PFKFB1: variants seen among roughly 807,000 people sequenced by gnomAD.
The protein encoded by PFKFB1 is 6-phosphofructo-2-kinase/fructose-2,6-bisphosphatase 1.
A neutral mutation model predicts 46.4 loss-of-function variants in PFKFB1; 34 were observed. The observed-to-expected ratio is 0.73, with a 90% CI of 0.56 to 0.98. The LOEUF (loss-of-function observed/expected upper bound fraction) is 0.98, where lower values mean the gene tolerates loss of function less well. Among genes scored for constraint, PFKFB1 ranks in the 50% least tolerant of loss-of-function variants. The probability of loss-of-function intolerance (pLI) is 0.00; values close to 1 mark genes in which losing one functional copy is unlikely to be tolerated. For synonymous variants in PFKFB1, 119 were observed against 133.8 expected (o/e 0.89, Z 0.76); for missense variants, 393 against 376.3 (o/e 1.04, Z -0.37).
At chrX:54,982,737 T>C (rs1439797833) in intron 1 of PFKFB1, among the ~76,000 whole-genome samples, 2 of 111,047 alleles carry the variant, frequency 1.8e-5, no homozygotes, top group Non-Finnish European at 3.8e-5. Context: ...GATGACTGTA[T>C]ATGCAATGAT....
intron 10 of PFKFB1, among the ~76,000 whole-genome samples, chrX:54,941,519 G>C (rs1019488046): frequency 5.4e-5 from 6 of 111,495 alleles, no homozygotes; most frequent in Admixed American, 9.5e-5. Flanking sequence ...TATCCAGAAT[G>C]TACAAAGAAC....
chrX:54,937,226 A>C (rs1330819722), intron 11 of PFKFB1, among the ~76,000 whole-genome samples: 1 of 112,020 alleles, frequency 8.9e-6, no homozygotes, highest in African/African-American at 3.2e-5. Context: ...ATACTAGCTC[A>C]TCTTTTCCAG....
At chrX:54,957,695 A>G (rs1048431701) in intron 6 of PFKFB1, among the ~76,000 whole-genome samples, 1 of 111,681 alleles carries the variant, frequency 9.0e-6, no homozygotes, top group Non-Finnish European at 1.9e-5. Context: ...GCAGGTATAA[A>G]AAGAAAATAT....
chrX:54,960,456 CCAAGGT>C (rs1934276284), intron 3 of PFKFB1, among the ~76,000 whole-genome samples: 1 of 112,168 alleles, frequency 8.9e-6, no homozygotes, highest in Non-Finnish European at 1.9e-5. Flanking sequence ...CTAGAGTAGG[CCAAGGT>C]ATTGAGATTC....
At chrX:54,970,447 T>A (rs1377081414) in intron 1 of PFKFB1, among the ~76,000 whole-genome samples, 4 of 101,812 alleles carry the variant, frequency 3.9e-5, no homozygotes, top group Non-Finnish European at 8.0e-5. Context: ...TAACTCGTCA[T>A]CTATCATTAG....
rs758001483 is a variant in PFKFB1, at chrX:54,933,380, C to A, written c.*23G>T. The A allele has an allele frequency of 2.6e-6, 3 of 1,161,688 alleles. No individual in the cohort carries two copies. The highest frequency in any genetic ancestry group is 3.5e-6 in the Non-Finnish European group (3 of 849,928). The stretch of plus-strand genomic sequence containing the variant: ...AGGTGGAAGGCGATGAGGACACAGG[C>A]AGTTTGACTTCTTGGAAAGGGCTCA... On this transcript the variant is annotated 3_prime_UTR_variant, in exon 14 of 14. Coordinates refer to ENST00000375006, the MANE Select transcript of PFKFB1 (RefSeq NM_002625.4).
chrX:54,978,526 G>A (rs993708327), intron 1 of PFKFB1, among the ~76,000 whole-genome samples: 2 of 111,588 alleles, frequency 1.8e-5, no homozygotes, highest in Admixed American at 9.5e-5. Context: ...AATTATTACA[G>A]TGTTTTTAAT....
intron 10 of PFKFB1, among the ~76,000 whole-genome samples, chrX:54,943,084 TTGTC>T (rs1933696612): frequency 8.9e-6 from 1 of 111,879 alleles, no homozygotes; most frequent in Non-Finnish European, 1.9e-5. Context: ...TAAAGATAAA[TTGTC>T]TGAGAGTTTT....
intron 1 of PFKFB1, among the ~76,000 whole-genome samples, chrX:54,963,951 A>C (rs2146641185): frequency 8.9e-6 from 1 of 111,740 alleles, no homozygotes; most frequent in South Asian, 3.7e-4. Context: ...AGGCAACAAA[A>C]ACCAGCTTGA....
intron 11 of PFKFB1, among the ~76,000 whole-genome samples, chrX:54,937,232 T>C (rs1321486756): frequency 8.9e-6 from 1 of 111,907 alleles, no homozygotes; most frequent in Admixed American, 9.5e-5. Flanking sequence ...GCTCATCTTT[T>C]CCAGATTGAG....
At chrX:54,942,849 G>T (rs1005190548) in intron 10 of PFKFB1, among the ~76,000 whole-genome samples, 1 of 111,885 alleles carries the variant, frequency 8.9e-6, no homozygotes, top group South Asian at 3.7e-4. Context: ...ATAAAAAATA[G>T]TCATTAAAAT....
chrX:54,941,257 A>T, intron 10 of PFKFB1, among the ~76,000 whole-genome samples: 1 of 112,137 alleles, frequency 8.9e-6, no homozygotes, highest in Non-Finnish European at 1.9e-5. Context: ...TGGATGAAAG[A>T]CTTAAACGTT....
At position 54,937,646 on chromosome X, in the gene PFKFB1, G is replaced by A. The variant is rs1231533779; in HGVS notation, c.1177C>T (p.His393Tyr). 4 of 1,206,285 alleles carry A rather than the reference G, an allele frequency of 3.3e-6. No homozygotes were observed. The highest frequency in any genetic ancestry group is 1.7e-5 in the African/African-American group (1 of 57,210). The change falls in exon 11 of 14, where the codon CAC becomes TAC. Residue 393 changes from histidine (H) to tyrosine (Y), a missense_variant. Transcript: ENST00000375006. ...AGGAGGCACCGCATGACAGCCTGGT[G>A]GCAGATCACCAGTACATTCTCCTGT... ...ERQENVLVICHQAVMRCLLAY... is the reference protein window; with the variant it reads ...ERQENVLVICYQAVMRCLLAY...
intron 1 of PFKFB1, among the ~76,000 whole-genome samples, chrX:54,964,504 C>A (rs1934416583): frequency 8.9e-6 from 1 of 112,042 alleles, no homozygotes; most frequent in South Asian, 3.7e-4. Context: ...AAATATCAGA[C>A]AAGGAATTTG....
At chrX:54,966,420 C>G (rs951204845) in intron 1 of PFKFB1, among the ~76,000 whole-genome samples, 1 of 112,225 alleles carries the variant, frequency 8.9e-6, no homozygotes, top group Non-Finnish European at 1.9e-5. Context: ...GGTGTGCAAT[C>G]CAAAATGAGC....
At chrX:54,958,453 C>A in intron 5 of PFKFB1, 91 bp from the exon 6 acceptor site, 1 of 547,298 alleles carries the variant, frequency 1.8e-6, no homozygotes, top group South Asian at 3.0e-5. Flanking sequence ...GGCTCTAAGT[C>A]ATCTCCAGGG....
chrX:54,950,736 G>A (rs1933945665), intron 8 of PFKFB1, among the ~76,000 whole-genome samples: 1 of 112,400 alleles, frequency 8.9e-6, no homozygotes, highest in African/African-American at 3.2e-5. Context: ...GGACATGAGG[G>A]AGTCACAGGT....
At chrX:54,976,250 C>T (rs1323243170) in intron 1 of PFKFB1, among the ~76,000 whole-genome samples, 1 of 110,619 alleles carries the variant, frequency 9.0e-6, no homozygotes, top group Non-Finnish European at 1.9e-5. Flanking sequence ...TCTGGTATAT[C>T]CAAAATATAT....
chrX:54,943,782 T>TA (rs1933725522), intron 10 of PFKFB1, among the ~76,000 whole-genome samples: 1 of 107,878 alleles, frequency 9.3e-6, no homozygotes, highest in Non-Finnish European at 1.9e-5. Flanking sequence ...ATAAATAAAA[T>TA]AAAAAATAAA....
Sources: gnomAD v4.1 joint callset for allele counts (sites outside exome capture counted in the v4.1 genomes callset) on GRCh38, gnomAD v4.1.1 for gene constraint, MANE v1.5 for transcripts, NCBI Gene and HGNC (gene_info 2026-07-23, HGNC 2026-07-21) for gene names.